The following C18orf63 variants were observed in gnomAD, a reference collection of about 807,000 sequenced individuals.
The protein encoded by C18orf63 is uncharacterized protein C18orf63.
Under a neutral mutation model 75.3 loss-of-function variants are expected in C18orf63, and 50 were observed. The ratio of observed to expected loss-of-function variants is 0.66; its 90% CI spans 0.53 to 0.84. The LOEUF (loss-of-function observed/expected upper bound fraction) is 0.84. C18orf63 is among the 40% of genes least tolerant of loss of function. The probability of loss-of-function intolerance (pLI) is 0.00; values close to 1 mark genes in which losing one functional copy is unlikely to be tolerated. For missense variants in C18orf63, 732 were observed against 800.2 expected (o/e 0.91, Z 1.03); for synonymous variants, 232 against 267.6 (o/e 0.87, Z 1.30).
chr18:74,323,954 A>G (rs1599000894), intron 4 of C18orf63, among the ~76,000 whole-genome samples: 1 of 152,332 alleles, frequency 6.6e-6, no homozygotes, highest in South Asian at 2.1e-4. Context: ...TTGCCCTGCA[A>G]TGGAATGGAG....
chr18:74,342,037 A>C lies in C18orf63; in HGVS notation c.617A>C (p.Lys206Thr). ...SNWCYVLPSM[K>T]MGQIINIFHA... ...CTTCCTCTCATTTTTCATAGTATGA[A>C]AATGGGACAAATTATAAATATTTTT... The change falls in exon 9 of 14, where the codon AAA becomes ACA. Residue 206 changes from lysine (K) to threonine (T), a missense_variant. Lys to Thr is a moderately conservative substitution (Grantham distance 78). This residue lies in a region of C18orf63 where 233 missense variants were observed against 272.7 expected (regional missense o/e 0.85). Coordinates refer to ENST00000579455, the MANE Select transcript of C18orf63 (RefSeq NM_001174123.2). 6.7e-7 allele frequency: 1 copy of C among 1,496,950 alleles called. No individual in the cohort carries two copies. The allele number at this position is 1,496,950 out of a possible 1,614,324, so 92.7% of individuals were successfully genotyped here.
chr18:74,322,050 T>C (rs1287565892), intron 3 of C18orf63, among the ~76,000 whole-genome samples: 1 of 152,234 alleles, frequency 6.6e-6, no homozygotes, highest in East Asian at 1.9e-4. Flanking sequence ...GCTCTTACAG[T>C]GTTTCAGAAA....
chr18:74,336,837 A>T (rs1223950308), intron 7 of C18orf63, among the ~76,000 whole-genome samples: 1 of 151,980 alleles, frequency 6.6e-6, no homozygotes, highest in Non-Finnish European at 1.5e-5. Flanking sequence ...CTACCTAAAT[A>T]CTTCAGAGTT....
At chr18:74,352,430 T>C (rs1984683450) in intron 11 of C18orf63, among the ~76,000 whole-genome samples, 1 of 152,234 alleles carries the variant, frequency 6.6e-6, no homozygotes, top group South Asian at 2.1e-4. Flanking sequence ...TATGTGTGTG[T>C]GTATCCACAG....
Position 74,318,061 on chromosome 18 carries a change from A to G in C18orf63, c.134+62A>G, listed in dbSNP as rs1984056506. 6.0e-6 allele frequency: 7 copies of G among 1,165,804 alleles called. No homozygotes were observed. The East Asian group carries it at 1.7e-4, about 28-fold the overall frequency. The allele number at this position is 1,165,804 out of a possible 1,614,324, so 72.2% of individuals were successfully genotyped here. A position where few individuals can be genotyped will look rare whatever the true frequency, so the allele number is the denominator to read the frequency against. The stretch of plus-strand genomic sequence containing the variant: ...CTTTGAGACCTATAAAAGCTGTTTT[A>G]GAGGAATTTTCTATAAAGCAAAATA... On this transcript the variant is annotated intron_variant, in intron 2 of 13. Transcript: ENST00000579455.
At chr18:74,318,106 T>C in intron 2 of C18orf63, 107 bp downstream of exon 2, 1 of 643,984 alleles carries the variant, frequency 1.6e-6, no homozygotes, top group Non-Finnish European at 2.3e-6. Context: ...TCAACTTGTG[T>C]TTATAATTTT....
intron 8 of C18orf63, among the ~76,000 whole-genome samples, chr18:74,340,079 T>C (rs1984454647): frequency 6.6e-6 from 1 of 152,118 alleles, no homozygotes; most frequent in African/African-American, 2.4e-5. Flanking sequence ...ACTTACAGAA[T>C]GAGAGAAAAT....
rs78429714 is a variant in C18orf63, at chr18:74,334,785, C to T, written c.501+3843C>T. Among the ~76,000 whole-genome samples, 847 of 152,224 alleles carry T rather than the reference C, an allele frequency of 5.6e-3. 7 individuals carry two copies. The highest frequency in any genetic ancestry group is 0.031 in the Middle Eastern group (9 of 294). ...CTCCATTGACTATAAGATGAAATCT[C>T]AGCTGTTTACTATGATATACAAGGT... On this transcript the variant is annotated intron_variant, in intron 7 of 13. Coordinates refer to ENST00000579455, the MANE Select transcript of C18orf63 (RefSeq NM_001174123.2).
chr18:74,348,845 A>C (rs975653434), intron 11 of C18orf63, among the ~76,000 whole-genome samples: 2 of 152,106 alleles, frequency 1.3e-5, no homozygotes, highest in Admixed American at 6.5e-5. Flanking sequence ...TCCCCCTTTG[A>C]GCTATTTACT....
chr18:74,344,354 T>TCC (rs1984536967), intron 11 of C18orf63, among the ~76,000 whole-genome samples: 3 of 151,964 alleles, frequency 2.0e-5, no homozygotes, highest in Admixed American at 6.6e-5. Context: ...GAGGGTGTTT[T>TCC]CTACTGAGTT....
At chr18:74,323,969 G>C (rs531399455) in intron 4 of C18orf63, among the ~76,000 whole-genome samples, 4 of 152,222 alleles carry the variant, frequency 2.6e-5, no homozygotes, top group African/African-American at 7.2e-5. Context: ...ATGGAGTCCT[G>C]TGCAGGGCTG....
chr18:74,343,668 A>G lies in C18orf63; in HGVS notation c.944A>G (p.Tyr315Cys). 3 of 1,532,178 alleles carry G rather than the reference A, an allele frequency of 2.0e-6. No homozygotes were observed. The highest frequency in any genetic ancestry group is 2.6e-6 in the Non-Finnish European group (3 of 1,144,852). 94.9% of individuals were successfully genotyped at this position (1,532,178 alleles called of 1,614,324 possible). ...FPIKMTSKPCYYTQELTKPNI... is the reference protein window; with the variant it reads ...FPIKMTSKPCCYTQELTKPNI... Reference sequence around the variant, plus strand: ...ATAAAGATGACAAGTAAACCATGCTACTACACACAAGAACTAACTAAACCT... The same window carrying G: ...ATAAAGATGACAAGTAAACCATGCTGCTACACACAAGAACTAACTAAACCT... The change falls in exon 11 of 14, where the codon TAC (tyrosine) becomes TGC (cysteine). Residue 315 changes from tyrosine to cysteine, a missense_variant. Coordinates refer to ENST00000579455, the MANE Select transcript of C18orf63 (RefSeq NM_001174123.2).
Position 74,320,602 on chromosome 18 carries a change from T to C in C18orf63, c.213+11T>C. The C allele has an allele frequency of 6.7e-7, 1 of 1,488,484 alleles. No individual in the cohort carries two copies. Among genetic ancestry groups the C allele is most frequent in the Middle Eastern group, 1.7e-4 (1 of 5,782 alleles). The allele number at this position is 1,488,484 out of a possible 1,614,324, so 92.2% of individuals were successfully genotyped here. On this transcript the variant is annotated intron_variant, in intron 3 of 13. Transcript: ENST00000579455. ...TGGGTGGTGATGGCGGTTAGTATTT[T>C]AATATTTTGTGAAATGTTATTACTA... is the stretch of plus-strand genomic sequence containing the variant.
At chr18:74,352,302 A>C (rs1272056720) in intron 11 of C18orf63, among the ~76,000 whole-genome samples, 1 of 152,198 alleles carries the variant, frequency 6.6e-6, no homozygotes, top group Non-Finnish European at 1.5e-5. Flanking sequence ...GAATGAAAAA[A>C]AATTTTTGGA....
chr18:74,342,577 A>G (rs899827683), intron 10 of C18orf63, among the ~76,000 whole-genome samples: 4 of 152,236 alleles, frequency 2.6e-5, no homozygotes, highest in African/African-American at 9.6e-5. Flanking sequence ...AAAAGTTAGA[A>G]AAAAATGTGT....
intron 11 of C18orf63, among the ~76,000 whole-genome samples, chr18:74,345,121 G>T (rs573317677): frequency 6.6e-6 from 1 of 152,036 alleles, no homozygotes; most frequent in Admixed American, 6.5e-5. Context: ...TTTTTAATTT[G>T]CATTTTCCCG....
intron 11 of C18orf63, among the ~76,000 whole-genome samples, chr18:74,351,384 G>A (rs1274209116): frequency 6.6e-6 from 1 of 152,206 alleles, no homozygotes; most frequent in African/African-American, 2.4e-5. Context: ...CTATGACAGA[G>A]TGATGCAACA....
chr18:74,320,469 C>T (rs564475936), intron 2 of C18orf63, 44 bp from the exon 3 acceptor site: 4 of 1,372,154 alleles, frequency 2.9e-6, no homozygotes, highest in Admixed American at 4.2e-5. Flanking sequence ...GGACACAGAA[C>T]CAAACCATAC....
At chr18:74,323,161 T>G (rs549182670) in intron 4 of C18orf63, among the ~76,000 whole-genome samples, 1 of 152,120 alleles carries the variant, frequency 6.6e-6, no homozygotes, top group East Asian at 1.9e-4. Context: ...ATGAATACAG[T>G]GGTTAGTATT....
Sources: gnomAD v4.1 joint callset for allele counts (sites outside exome capture counted in the v4.1 genomes callset) on GRCh38, gnomAD v4.1.1 for gene constraint, gnomAD v4.1.1 regional missense constraint, MANE v1.5 for transcripts, NCBI Gene and HGNC (gene_info 2026-07-23, HGNC 2026-07-21) for gene names.